ETNK1: variants seen among roughly 807,000 people sequenced by gnomAD.
The protein encoded by ETNK1 is ethanolamine kinase 1.
In ETNK1, 8 loss-of-function variants were observed where a neutral mutation model predicts 45.1. That is an observed-to-expected ratio of 0.18 (90% confidence interval 0.10 to 0.32). The LOEUF is 0.32. Among genes scored for constraint, ETNK1 ranks in the 10% least tolerant of loss-of-function variants. The pLI, the probability that ETNK1 is intolerant of heterozygous loss-of-function variation, is 1.00. For missense variants in ETNK1, 302 were observed against 430.6 expected, an observed-to-expected ratio of 0.70 and a Z score of 2.64; for synonymous variants, 152 against 151.9, an observed-to-expected ratio of 1.00 and a Z score of -0.01.
intron 2 of ETNK1, among the ~76,000 whole-genome samples, chr12:22,647,946 T>C (rs1442954496): frequency 6.6e-6 from 1 of 151,972 alleles, no homozygotes; most frequent in Admixed American, 6.6e-5. Flanking sequence ...TATATGATAG[T>C]GAAAATCAGA....
At chr12:22,640,134 A>G (rs1009352914) in intron 1 of ETNK1, among the ~76,000 whole-genome samples, 2 of 152,150 alleles carry the variant, frequency 1.3e-5, no homozygotes, top group African/African-American at 4.8e-5. Flanking sequence ...ACCAATATAG[A>G]TGTTGTTTTT....
At position 22,625,181 on chromosome 12, in the gene ETNK1, G is replaced by T. The variant is rs199647883; in HGVS notation, c.-250G>T. The T allele has an allele frequency of 6.2e-7, 1 of 1,600,544 alleles. No homozygotes were observed. Among genetic ancestry groups the T allele is most frequent in the South Asian group, 1.1e-5 (1 of 90,246 alleles). Reference sequence around the variant, plus strand: ...GCCCCGGCATGCTCTGCGGCCGCCCGCGGTCCAGCTCCGACAACAGGAATT... The same window carrying T: ...GCCCCGGCATGCTCTGCGGCCGCCCTCGGTCCAGCTCCGACAACAGGAATT... On this transcript the variant is annotated 5_prime_UTR_variant, in exon 1 of 8. Transcript: ENST00000266517.
chr12:22,659,175 G>T, intron 3 of ETNK1, 21 bp downstream of exon 3: 1 of 1,602,206 alleles, frequency 6.2e-7, no homozygotes. Context: ...TTTTACATTT[G>T]AAATTATGTT....
At chr12:22,680,890 T>TTGC in intron 6 of ETNK1, among the ~76,000 whole-genome samples, 1 of 53,228 alleles carries the variant, frequency 1.9e-5, no homozygotes, top group Admixed American at 2.0e-4. Context: ...GAGCTTTTCT[T>TTGC]CCCCCGCCCC....
chr12:22,651,748 C>T (rs1470671452), intron 2 of ETNK1, among the ~76,000 whole-genome samples: 2 of 148,828 alleles, frequency 1.3e-5, no homozygotes, highest in African/African-American at 2.5e-5. Flanking sequence ...GCAGTGGTGC[C>T]TCCCAGGTTC....
At chr12:22,663,703 C>G (rs1954028693) in intron 4 of ETNK1, among the ~76,000 whole-genome samples, 1 of 151,980 alleles carries the variant, frequency 6.6e-6, no homozygotes, top group South Asian at 2.1e-4. Context: ...TCTAATTTTC[C>G]TTTCACAGAA....
intron 4 of ETNK1, among the ~76,000 whole-genome samples, chr12:22,667,267 T>C (rs1954062889): frequency 6.6e-6 from 1 of 152,186 alleles, no homozygotes; most frequent in Admixed American, 6.5e-5. Flanking sequence ...ACTTTTTTCT[T>C]TAGTTTTTCA....
chr12:22,627,484 G>A (rs185962287), intron 1 of ETNK1, among the ~76,000 whole-genome samples: 1 of 152,072 alleles, frequency 6.6e-6, no homozygotes, highest in East Asian at 1.9e-4. Context: ...TGTCCTAAAA[G>A]CATCTGCTAA....
At chr12:22,659,636 A>T (rs181198091) in intron 3 of ETNK1, among the ~76,000 whole-genome samples, 4 of 152,336 alleles carry the variant, frequency 2.6e-5, no homozygotes, top group African/African-American at 9.6e-5. Flanking sequence ...AAATTACAGT[A>T]GTAGTATATT....
At chr12:22,645,562 T>G (rs1162213307) in intron 2 of ETNK1, among the ~76,000 whole-genome samples, 1 of 151,788 alleles carries the variant, frequency 6.6e-6, no homozygotes, top group Non-Finnish European at 1.5e-5. Context: ...TTTCTCTACT[T>G]AGATCTTTTT....
intron 6 of ETNK1, among the ~76,000 whole-genome samples, chr12:22,677,427 T>C (rs947908781): frequency 6.6e-6 from 1 of 152,234 alleles, no homozygotes; most frequent in Non-Finnish European, 1.5e-5. Flanking sequence ...GTAGTATAGT[T>C]TGAAGTCAGG....
At chr12:22,683,760 A>G (rs1565450209) in intron 6 of ETNK1, among the ~76,000 whole-genome samples, 1 of 152,166 alleles carries the variant, frequency 6.6e-6, no homozygotes, top group Non-Finnish European at 1.5e-5. Flanking sequence ...TTTAGCTGAA[A>G]CAAAAACCTT....
intron 4 of ETNK1, among the ~76,000 whole-genome samples, chr12:22,667,631 AG>A (rs1954066974): frequency 6.6e-6 from 1 of 152,212 alleles, no homozygotes; most frequent in Non-Finnish European, 1.5e-5. Flanking sequence ...TAACATTAGT[AG>A]GATTATAGTT....
rs762746510 is a variant in ETNK1, at chr12:22,625,271, C to T, written c.-160C>T. On this transcript the variant is annotated 5_prime_UTR_variant, in exon 1 of 8. Coordinates refer to ENST00000266517, the MANE Select transcript of ETNK1 (RefSeq NM_018638.5). ...AGACCCGGATCGGCAACAGTGCCGC[C>T]TCCAGACGTTCTCCTGCCGCTCGCC... 16 of 1,609,752 alleles carry T rather than the reference C, an allele frequency of 9.9e-6. No homozygotes were observed. Among genetic ancestry groups the T allele is most frequent in the Admixed American group, 3.3e-5 (2 of 59,764 alleles).
At chr12:22,656,379 G>C in intron 2 of ETNK1, 1 of 984,628 alleles carries the variant, frequency 1.0e-6, no homozygotes, top group Non-Finnish European at 1.2e-6. Flanking sequence ...TCCGTGTGAT[G>C]TGCAGGGCCT....
At chr12:22,679,074 G>C (rs771957970) in intron 6 of ETNK1, among the ~76,000 whole-genome samples, 1 of 152,218 alleles carries the variant, frequency 6.6e-6, no homozygotes, top group Non-Finnish European at 1.5e-5. Context: ...TGTATAAGTG[G>C]AAGGAAGTTT....
chr12:22,679,993 T>C (rs996282263), intron 6 of ETNK1, among the ~76,000 whole-genome samples: 3 of 147,120 alleles, frequency 2.0e-5, no homozygotes, highest in Non-Finnish European at 3.0e-5. Context: ...CACCTGGCCA[T>C]ATTCTTGAAG....
In ETNK1 at chr12:22,689,418, C is replaced by T. The variant is rs933683012; in HGVS notation, c.*4464C>T. ...TCTGTATTCATTGTGAATCCTGTAG[C>T]TTTTCTAGTTAACAAAAAATCGCTT... On this transcript the variant is annotated 3_prime_UTR_variant, in exon 8 of 8. Transcript: ENST00000266517. 1 of 151,910 alleles carries T rather than the reference C, an allele frequency of 6.6e-6. No individual in the cohort carries two copies. Among genetic ancestry groups the T allele is most frequent in the Non-Finnish European group, 1.5e-5 (1 of 67,838 alleles). 9.4% of individuals were successfully genotyped at this position (151,910 alleles called of 1,614,324 possible).
Position 22,643,867 on chromosome 12 carries a change from A to T in ETNK1, c.261A>T (p.Leu87Phe), listed in dbSNP as rs1166129106. 1.2e-6 allele frequency: 2 copies of T among 1,613,510 alleles called. No homozygotes were observed. The highest frequency in any genetic ancestry group is 1.7e-6 in the Non-Finnish European group (2 of 1,179,540). Residue 87 changes from leucine (L) to phenylalanine (F), a missense_variant, in exon 2 of 8, where the codon TTA becomes TTT. Coordinates refer to ENST00000266517, the MANE Select transcript of ETNK1 (RefSeq NM_018638.5). ...VRIYGNKTEL[L>F]VDRDEEVKSF... ...TTTATGGCAATAAGACTGAGTTATT[A>T]GTCGATCGAGATGAGGAAGTAAAGA... is the stretch of plus-strand genomic sequence containing the variant.
Sources: allele counts gnomAD v4.1 joint callset (sites outside exome capture counted in the v4.1 genomes callset), GRCh38; gene constraint gnomAD v4.1.1; transcripts MANE v1.5; gene names NCBI Gene and HGNC (gene_info 2026-07-23, HGNC 2026-07-21).